Variants in HLCS observed in about 807,000 individuals in gnomAD.
HLCS encodes the protein holocarboxylase synthetase, also known as biotin--protein ligase.
Under a neutral mutation model 75.0 loss-of-function variants are expected in HLCS, and 53 were observed. The ratio of observed to expected loss-of-function variants is 0.71; its 90% CI spans 0.57 to 0.89. HLCS has a LOEUF of 0.89. Among genes scored for constraint, HLCS ranks in the 40% least tolerant of loss-of-function variants. The pLI is 0.00. For missense variants in HLCS, 966 were observed against 1,074.0 expected (o/e 0.90, Z 1.41); for synonymous variants, 431 against 428.6 (o/e 1.01, Z -0.07).
chr21:36,956,800 C>T (rs1206178087), intron 2 of HLCS, among the ~76,000 whole-genome samples: 1 of 152,118 alleles, frequency 6.6e-6, no homozygotes, highest in Non-Finnish European at 1.5e-5. Context: ...GGCTGTATCA[C>T]AGCACTTCGG....
chr21:36,822,904 A>G (rs1429680789), intron 6 of HLCS, among the ~76,000 whole-genome samples: 1 of 152,244 alleles, frequency 6.6e-6, no homozygotes, highest in Non-Finnish European at 1.5e-5. Context: ...TTTAATTCAG[A>G]GTAGGGTTAA....
At chr21:36,830,921 A>G (rs1246837336) in intron 6 of HLCS, among the ~76,000 whole-genome samples, 1 of 151,972 alleles carries the variant, frequency 6.6e-6, no homozygotes, top group Non-Finnish European at 1.5e-5. Flanking sequence ...TTATCCCCAG[A>G]AAGCCATTCC....
At chr21:36,869,338 T>A (rs537514395) in intron 6 of HLCS, among the ~76,000 whole-genome samples, 1 of 152,234 alleles carries the variant, frequency 6.6e-6, no homozygotes, top group Admixed American at 6.5e-5. Context: ...TTCACCGTGT[T>A]AGCCAGGATG....
intron 4 of HLCS, among the ~76,000 whole-genome samples, chr21:36,933,017 C>G (rs1218653793): frequency 1.3e-5 from 2 of 152,170 alleles, no homozygotes; most frequent in Non-Finnish European, 2.9e-5. Context: ...ACTTGAGAGG[C>G]TGAGGCACAA....
At chr21:36,760,841 G>A (rs1429617363) in intron 8 of HLCS, among the ~76,000 whole-genome samples, 1 of 152,188 alleles carries the variant, frequency 6.6e-6, no homozygotes, top group Non-Finnish European at 1.5e-5. Flanking sequence ...CCAGGCCTCT[G>A]CCTATCCACT....
chr21:36,813,130 T>C (rs1019813081), intron 6 of HLCS, among the ~76,000 whole-genome samples: 1 of 152,210 alleles, frequency 6.6e-6, no homozygotes, highest in Non-Finnish European at 1.5e-5. Context: ...CTATGCATAT[T>C]TGCAAATATG....
intron 2 of HLCS, among the ~76,000 whole-genome samples, chr21:36,942,251 G>T (rs1169289572): frequency 6.6e-6 from 1 of 151,882 alleles, no homozygotes; most frequent in Non-Finnish European, 1.5e-5. Context: ...CACAGATAGA[G>T]AAGCGTTAAA....
rs184599010 is a variant in HLCS at position 36,857,228 on chromosome 21, C to T, written c.1892+39632G>A. Among the ~76,000 whole-genome samples, 49 of 152,326 alleles carry T rather than the reference C, an allele frequency of 3.2e-4. No individual in the cohort carries two copies. In the Middle Eastern group the frequency reaches 0.01, roughly 32 times the overall value. Reference sequence around the variant, plus strand: ...CAAAACCCAAGCCACACCAGGTATTCATTCCAGTTCCAGGTCAGTTGCTTC... The same window carrying T: ...CAAAACCCAAGCCACACCAGGTATTTATTCCAGTTCCAGGTCAGTTGCTTC... On this transcript the variant is annotated intron_variant, in intron 6 of 10. Coordinates refer to ENST00000674895, the MANE Select transcript of HLCS (RefSeq NM_001352514.2).
At chr21:36,938,232 C>T (rs1264128604) in intron 3 of HLCS, among the ~76,000 whole-genome samples, 1 of 152,190 alleles carries the variant, frequency 6.6e-6, no homozygotes, top group Non-Finnish European at 1.5e-5. Flanking sequence ...ACTAGTTATA[C>T]TGTATTAAAC....
At chr21:36,848,839 A>C (rs1396819651) in intron 6 of HLCS, among the ~76,000 whole-genome samples, 1 of 152,214 alleles carries the variant, frequency 6.6e-6, no homozygotes, top group Non-Finnish European at 1.5e-5. Context: ...ATATTTGAGA[A>C]GGCAAAACAG....
At chr21:36,948,672 T>C (rs1025218442) in intron 2 of HLCS, among the ~76,000 whole-genome samples, 2 of 126,014 alleles carry the variant, frequency 1.6e-5, no homozygotes, top group Non-Finnish European at 3.1e-5. Context: ...AAGGCTGCAG[T>C]GAGCCATGAT....
At chr21:36,823,610 GGTGTGTGTGTGTGTGT>G (rs59724760) in intron 6 of HLCS, among the ~76,000 whole-genome samples, 6 of 132,834 alleles carry the variant, frequency 4.5e-5, no homozygotes, top group African/African-American at 8.4e-5. Context: ...AAACGTGCAG[GGTGTGTGTGTGTGTGT>G]GTGTGTGTGT....
intron 5 of HLCS, among the ~76,000 whole-genome samples, chr21:36,924,513 T>C (rs904453446): frequency 2.0e-5 from 3 of 152,058 alleles, no homozygotes; most frequent in African/African-American, 7.2e-5. Flanking sequence ...TGAGCAGAGA[T>C]TGCACCACTG....
chr21:36,857,865 A>T (rs532529185), intron 6 of HLCS, among the ~76,000 whole-genome samples: 1 of 151,968 alleles, frequency 6.6e-6, no homozygotes, highest in Admixed American at 6.5e-5. Flanking sequence ...TCTCGGCTCA[A>T]TGCAACCTCT....
In HLCS at chr21:36,750,417, T is replaced by C. The variant is rs917289286; in HGVS notation, c.*3829A>G. ...TTCCATTCATACCTTTGTAGAGCAG[T>C]GGGCTGGGTGTGGAGGGCAGCGCGG... On this transcript the variant is annotated 3_prime_UTR_variant, in exon 11 of 11. Transcript: ENST00000674895. 6.6e-6 allele frequency among the ~76,000 whole-genome samples: 1 copy of C among 152,194 alleles called. No homozygotes were observed. Among genetic ancestry groups the C allele is most frequent in the African/African-American group, 2.4e-5 (1 of 41,444 alleles).
chr21:36,912,017 G>A (rs1292391115), intron 5 of HLCS, among the ~76,000 whole-genome samples: 1 of 147,826 alleles, frequency 6.8e-6, no homozygotes, highest in African/African-American at 2.5e-5. Context: ...GCTATAGTGA[G>A]CCAAGATCAT....
In HLCS at chr21:36,897,005, A is replaced by G. The variant is rs561085865; in HGVS notation, c.1747T>C (p.Cys583Arg). ...TCCATGTTGGTCACCACAGGTATAC[A>G]AGATGGGGTTATTTCTACTTCAGAC... Reference protein sequence around the residue: ...YVSEVEITPSCIPVVTNMEAF... With the variant: ...YVSEVEITPSRIPVVTNMEAF... The change falls in exon 6 of 11, where the codon TGT becomes CGT. Residue 583 changes from cysteine to arginine, a missense_variant. Cys to Arg is a radical substitution (Grantham distance 180). Coordinates refer to ENST00000674895, the MANE Select transcript of HLCS (RefSeq NM_001352514.2). 1.2e-5 allele frequency: 20 copies of G among 1,614,202 alleles called. No individual in the cohort carries two copies. The South Asian group carries it at 2.2e-4, about 18-fold the overall frequency.
At chr21:36,874,255 A>T (rs2063874117) in intron 6 of HLCS, among the ~76,000 whole-genome samples, 1 of 152,142 alleles carries the variant, frequency 6.6e-6, no homozygotes. Context: ...ACAAAAAATT[A>T]GCCAGGTGTT....
chr21:36,756,284 A>C (rs2089579388), intron 10 of HLCS, among the ~76,000 whole-genome samples: 1 of 151,594 alleles, frequency 6.6e-6, no homozygotes, highest in South Asian at 2.1e-4. Context: ...TAAAAATACA[A>C]AAAATTAGCC....
Sources: gnomAD v4.1 joint callset for allele counts (sites outside exome capture counted in the v4.1 genomes callset) on GRCh38, gnomAD v4.1.1 for gene constraint, MANE v1.5 for transcripts, NCBI Gene and HGNC (gene_info 2026-07-23, HGNC 2026-07-21) for gene names.